The following IHO1 variants were observed in gnomAD, a reference collection of about 807,000 sequenced individuals.
IHO1 encodes the protein interactor of HORMAD1 1.
IHO1 carries 13 observed loss-of-function variants against 31.0 expected under a neutral mutation model. The observed-to-expected ratio is 0.42, with a 90% CI of 0.27 to 0.67. IHO1 has a LOEUF of 0.67. Among genes scored for constraint, IHO1 ranks in the 30% least tolerant of loss-of-function variants. The pLI, the probability that IHO1 is intolerant of heterozygous loss-of-function variation, is 0.24. For missense variants in IHO1, 599 were observed against 687.5 expected (o/e 0.87, Z 1.44); for synonymous variants, 221 against 248.4 (o/e 0.89, Z 1.04).
At chr3:49,237,337 ACT>A (rs2046572435) in intron 3 of IHO1, among the ~76,000 whole-genome samples, 1 of 152,048 alleles carries the variant, frequency 6.6e-6, no homozygotes, top group African/African-American at 2.4e-5. Flanking sequence ...ATAGAGCATG[ACT>A]CTGTCTCAAA....
chr3:49,230,728 G>C (rs951068397), intron 2 of IHO1, among the ~76,000 whole-genome samples: 1 of 152,078 alleles, frequency 6.6e-6, no homozygotes, highest in South Asian at 2.1e-4. Flanking sequence ...CCTACTTGGC[G>C]ACCTTGGTAA....
At chr3:49,200,077 AG>A (rs2046033550) in intron 1 of IHO1, among the ~76,000 whole-genome samples, 1 of 152,168 alleles carries the variant, frequency 6.6e-6, no homozygotes, top group Non-Finnish European at 1.5e-5. Context: ...CGGTGGCCAC[AG>A]GGGGCCTGAA....
intron 6 of IHO1, among the ~76,000 whole-genome samples, chr3:49,249,211 C>T (rs966213224): frequency 6.6e-6 from 1 of 152,106 alleles, no homozygotes; most frequent in African/African-American, 2.4e-5. Context: ...TTGTATACTA[C>T]TTTACCTCAT....
At position 49,238,107 on chromosome 3, in the gene IHO1, G is replaced by A. The variant is rs565840912; in HGVS notation, c.231+1385G>A. Among the ~76,000 whole-genome samples, 3 of 151,860 alleles carry A rather than the reference G, an allele frequency of 2.0e-5. No individual in the cohort carries two copies. The East Asian group carries it at 5.8e-4, about 29-fold the overall frequency. On this transcript the variant is annotated intron_variant, in intron 3 of 7. Transcript: ENST00000452691. The stretch of plus-strand genomic sequence containing the variant: ...TTTAGTAGAGACAGTGTTTCTCCAT[G>A]TTGGCGGGCTAGTCTTGAGCTCCTA...
rs796160715 is a variant in IHO1 at position 49,205,967 on chromosome 3, C to CT, written c.-15-5791dup. Among the ~76,000 whole-genome samples the CT allele has an allele frequency of 2.7e-3, 388 of 144,974 alleles. 2 individuals carry two copies. Among genetic ancestry groups the CT allele is most frequent in the African/African-American group, 9.6e-3 (377 of 39,078 alleles). ...GTATTTTTTTTTCTTTTCTTTCTTT[C>CT]TTTTTTTTCTTTTTGAGACGGAGTC... On this transcript the variant is annotated intron_variant, in intron 1 of 7. Transcript: ENST00000452691.
At chr3:49,227,201 G>A (rs2046428320) in intron 2 of IHO1, among the ~76,000 whole-genome samples, 1 of 152,174 alleles carries the variant, frequency 6.6e-6, no homozygotes, top group African/African-American at 2.4e-5. Flanking sequence ...GGATAGTATT[G>A]TAATTTATAC....
intron 2 of IHO1, among the ~76,000 whole-genome samples, chr3:49,236,196 A>G (rs1294478224): frequency 6.6e-6 from 1 of 152,134 alleles, no homozygotes; most frequent in Non-Finnish European, 1.5e-5. Context: ...GCGACAGAGT[A>G]GGATCCTGTC....
chr3:49,202,329 T>G (rs1035756682), intron 1 of IHO1, among the ~76,000 whole-genome samples: 3 of 149,530 alleles, frequency 2.0e-5, no homozygotes, highest in Non-Finnish European at 4.5e-5. Context: ...TTTAATTTTT[T>G]TTTTTTTTTT....
intron 2 of IHO1, among the ~76,000 whole-genome samples, chr3:49,233,895 T>C (rs932570704): frequency 6.6e-6 from 1 of 152,198 alleles, no homozygotes; most frequent in African/African-American, 2.4e-5. Context: ...AACAATAGCA[T>C]GAGCAATCCG....
Position 49,218,230 on chromosome 3 carries a change from C to A in IHO1, c.56+6394C>A, listed in dbSNP as rs578147456. On this transcript the variant is annotated intron_variant, in intron 2 of 7. Transcript: ENST00000452691. ...AAGCTGAGGTGTATCCTGGTTCCCA[C>A]CTCTCCGTCTGCAAAGAAGGACAGC... Among the ~76,000 whole-genome samples the A allele has an allele frequency of 2.0e-5, 3 of 152,096 alleles. 1 individual carries two copies. The East Asian group carries it at 5.8e-4, about 29-fold the overall frequency.
At position 49,244,641 on chromosome 3, in the gene IHO1, C is replaced by T; in HGVS notation, c.445-5C>T. ...TGAATTATTTCATAATTTTGGGTTT[C>T]TTAGTTGCAGACGTCTGTGGAAAAG... On this transcript the variant is annotated splice_polypyrimidine_tract_variant and splice_region_variant and intron_variant, in intron 5 of 7. Coordinates refer to ENST00000452691, the MANE Select transcript of IHO1 (RefSeq NM_001135197.2). 4 of 1,610,352 alleles carry T rather than the reference C, an allele frequency of 2.5e-6. No homozygotes were observed. The highest frequency in any genetic ancestry group is 3.4e-6 in the Non-Finnish European group (4 of 1,177,140).
At chr3:49,211,646 C>T in intron 1 of IHO1, 120 bp from the exon 2 acceptor site, 1 of 368,918 alleles carries the variant, frequency 2.7e-6, no homozygotes. Flanking sequence ...CAGAAATTTT[C>T]ACTAATTGGA....
intron 2 of IHO1, among the ~76,000 whole-genome samples, chr3:49,233,607 C>T (rs2107714649): frequency 6.6e-6 from 1 of 152,312 alleles, no homozygotes; most frequent in South Asian, 2.1e-4. Context: ...TCTGCAGATG[C>T]AGATCCCAAC....
In IHO1 at chr3:49,244,582, A is replaced by T. The variant is rs545878322; in HGVS notation, c.445-64A>T. 15 of 1,465,488 alleles carry T rather than the reference A, an allele frequency of 1.0e-5. No homozygotes were observed. In the South Asian group the frequency reaches 1.8e-4, roughly 17 times the overall value. 90.8% of individuals were successfully genotyped at this position (1,465,488 alleles called of 1,614,324 possible). A position where few individuals can be genotyped will look rare whatever the true frequency, so the allele number is the denominator to read the frequency against. ...TATCCCTATTTATCATGAAATGACAATTCTCTAAGATAGTAGAATAAGGCA... is the reference window on the plus strand; with the variant it reads ...TATCCCTATTTATCATGAAATGACATTTCTCTAAGATAGTAGAATAAGGCA... On this transcript the variant is annotated intron_variant, in intron 5 of 7. Transcript: ENST00000452691.
chr3:49,191,401 A>G, the IHO1 span, among the ~76,000 whole-genome samples: 1 of 152,212 alleles, frequency 6.6e-6, no homozygotes, highest in Non-Finnish European at 1.5e-5. Context: ...GATGGACAAA[A>G]ACACAATCTT....
rs3083884 is a variant in IHO1, at chr3:49,214,632, A to AT, written c.56+2820dup. On this transcript the variant is annotated intron_variant, in intron 2 of 7. Coordinates refer to ENST00000452691, the MANE Select transcript of IHO1 (RefSeq NM_001135197.2). ...CATATATATATATATATATATATAT[A>AT]TTTTTTTTTTTTTTTTTTTTTTTTG... Among the ~76,000 whole-genome samples, 20 of 5,188 alleles carry AT rather than the reference A, an allele frequency of 3.9e-3. 4 individuals are homozygous for AT. Among genetic ancestry groups the AT allele is most frequent in the South Asian group, 0.062 (2 of 32 alleles). 3.4% of individuals were successfully genotyped at this position (5,188 alleles called of 152,430 possible).
At chr3:49,255,566 T>G (rs2046812701) in intron 7 of IHO1, 73 bp downstream of exon 7, 3 of 981,588 alleles carry the variant, frequency 3.1e-6, no homozygotes, top group Non-Finnish European at 4.4e-6. Context: ...AACTTTTTTT[T>G]TTTTTTTTTT....
At chr3:49,247,429 A>G (rs2046708363) in intron 6 of IHO1, among the ~76,000 whole-genome samples, 2 of 150,872 alleles carry the variant, frequency 1.3e-5, no homozygotes, top group African/African-American at 4.9e-5. Context: ...ACAAGGTTTC[A>G]TCATGTTGGC....
At chr3:49,208,298 C>T (rs1169002932) in intron 1 of IHO1, among the ~76,000 whole-genome samples, 1 of 152,178 alleles carries the variant, frequency 6.6e-6, no homozygotes, top group Non-Finnish European at 1.5e-5. Context: ...TGTTAGGAAC[C>T]AGGCCACACA....
Sources: allele counts gnomAD v4.1 joint callset (sites outside exome capture counted in the v4.1 genomes callset), GRCh38; gene constraint gnomAD v4.1.1; transcripts MANE v1.5; gene names NCBI Gene and HGNC (gene_info 2026-07-23, HGNC 2026-07-21).